Variants in NELFCD observed in about 807,000 individuals in gnomAD.
NELFCD encodes negative elongation factor C/D.
Under a neutral mutation model 72.9 loss-of-function variants are expected in NELFCD, and 48 were observed. The observed-to-expected ratio is 0.66, with a 90% CI of 0.52 to 0.84. NELFCD has a LOEUF of 0.84. Ranked by LOEUF, NELFCD falls within the 40% of genes least tolerant of loss-of-function variation. The pLI is 0.00. For missense variants in NELFCD, 538 were observed against 723.8 expected (o/e 0.74, Z 2.94); for synonymous variants, 297 against 280.6 (o/e 1.06, Z -0.59).
chr20:58,993,560 G>T lies in NELFCD; in HGVS notation c.1440+16G>T. 1.2e-6 allele frequency: 2 copies of T among 1,614,224 alleles called. No individual in the cohort carries two copies. Among genetic ancestry groups the T allele is most frequent in the Non-Finnish European group, 1.7e-6 (2 of 1,180,030 alleles). ...GATGGAGCAGGTGAGCAGTGCCCGT[G>T]GGGCTTGCCAGAGGGCTGAGGAGGA... On this transcript the variant is annotated intron_variant, in intron 12 of 14. Transcript: ENST00000652272. This position sits in a 1 kb window ranked among gnomAD's most constrained non-coding sequence, Gnocchi z 5.0.
In NELFCD at chr20:58,993,521, T is replaced by C; in HGVS notation, c.1417T>C (p.Ser473Pro). 1 of 1,614,198 alleles carries C rather than the reference T, an allele frequency of 6.2e-7. No homozygotes were observed. The highest frequency in any genetic ancestry group is 8.5e-7 in the Non-Finnish European group (1 of 1,180,030). The change falls in exon 12 of 15, where the codon TCC becomes CCC. Residue 473 changes from serine to proline, a missense_variant. Physicochemically the swap from Ser to Pro is moderately conservative, Grantham distance 74 (BLOSUM62 -1). This residue lies in a region of NELFCD where 136 missense variants were observed against 154.0 expected (regional missense o/e 0.88). Transcript: ENST00000652272. The surrounding 1 kb of genome is among the most constrained non-coding windows in gnomAD (Gnocchi z 5.0). ...LLVKLFETEH[S>P]QLDVMEQLEL... ...TGTTAAGCTTTTTGAGACTGAGCAC[T>C]CCCAGCTGGACGTGATGGAGCAGGT...
At chr20:58,987,184 C>T (rs1222837747) in intron 3 of NELFCD, 1 of 301,300 alleles carries the variant, frequency 3.3e-6, no homozygotes, top group African/African-American at 2.2e-5. Context: ...ACGTCTATTA[C>T]AGCAAGCAGT....
rs774260821 is a variant in NELFCD, at chr20:58,981,285, G to A, written c.-25G>A. On this transcript the variant is annotated 5_prime_UTR_variant, in exon 1 of 15. An upstream start codon of the reference 5' UTR is lost. Transcript: ENST00000652272. ...GCCGCGCTCGCTCGCGGGAGGGCATGGCGGGGGCCGTGCCGGGCGCCATCA... is the reference window on the plus strand; with the variant it reads ...GCCGCGCTCGCTCGCGGGAGGGCATAGCGGGGGCCGTGCCGGGCGCCATCA... The A allele has an allele frequency of 2.8e-6, 3 of 1,065,540 alleles. No individual in the cohort carries two copies. The highest frequency in any genetic ancestry group is 6.7e-5 in the East Asian group (1 of 15,010). The allele number at this position is 1,065,540 out of a possible 1,614,324, so 66.0% of individuals were successfully genotyped here. A position where few individuals can be genotyped will look rare whatever the true frequency, so the allele number is the denominator to read the frequency against.
At position 58,986,197 on chromosome 20, in the gene NELFCD, C is replaced by T. The variant is rs887656731; in HGVS notation, c.165C>T (p.Asn55=). ...ATATCATGGAACCCTCCATCTTCAA[C>T]ACTCTGAAGAGGTATGTGAGAAAGG... ...RDYIMEPSIF[N]TLKRYFQAGG... The change falls in exon 2 of 15, where the codon AAC becomes AAT. Residue 55 remains asparagine, a synonymous_variant. Coordinates refer to ENST00000652272, the MANE Select transcript of NELFCD (RefSeq NM_198976.4). This position sits in a 1 kb window ranked among gnomAD's most constrained non-coding sequence, Gnocchi z 4.4. The T allele has an allele frequency of 1.1e-5, 17 of 1,601,796 alleles. No individual in the cohort carries two copies. The highest frequency in any genetic ancestry group is 1.5e-5 in the Non-Finnish European group (17 of 1,168,882).
intron 1 of NELFCD, among the ~76,000 whole-genome samples, chr20:58,982,140 ATTTTTTTTTTTT>A (rs751696443): frequency 2.5e-4 from 17 of 68,360 alleles, no homozygotes; most frequent in Non-Finnish European, 3.6e-4. Flanking sequence ...GGGAACTTGC[ATTTTTTTTTTTT>A]TTTTTTTTTT....
chr20:58,981,841 C>T (rs889548068), intron 1 of NELFCD, among the ~76,000 whole-genome samples: 2 of 152,234 alleles, frequency 1.3e-5, no homozygotes, highest in African/African-American at 4.8e-5. Context: ...ATGTGCTTTA[C>T]TGTTTTATAA....
In NELFCD at chr20:58,994,175, G is replaced by A; in HGVS notation, c.1647G>A (p.Glu549=). ...DFVQLFLPIL[E]NDSIAGTIKT... is the part of the protein sequence containing the mutation. ...TGCAACTTTTCCTCCCCATCCTGGA[G>A]AATGACAGCATCGCAGGTACCATCA... The change falls in exon 14 of 15, where the codon GAG becomes GAA. Residue 549 remains glutamate, a synonymous_variant. Transcript: ENST00000652272. 6.2e-7 allele frequency: 1 copy of A among 1,614,202 alleles called. No homozygotes were observed. The highest frequency in any genetic ancestry group is 8.5e-7 in the Non-Finnish European group (1 of 1,180,018).
chr20:58,991,559 G>A, intron 9 of NELFCD, 113 bp downstream of exon 9: 1 of 1,248,288 alleles, frequency 8.0e-7, no homozygotes, highest in Non-Finnish European at 1.1e-6. Flanking sequence ...CTAGTATCAG[G>A]CATGTGTTTT....
chr20:58,990,884 C>T (rs751375722), intron 7 of NELFCD, 26 bp from the exon 8 acceptor site: 30 of 1,588,446 alleles, frequency 1.9e-5, no homozygotes, highest in Middle Eastern at 3.4e-4. Context: ...TTGTTAGTAA[C>T]GGGGTCTATG....
Position 58,993,556 on chromosome 20 carries a change from C to G in NELFCD, c.1440+12C>G. 1 of 1,614,178 alleles carries G rather than the reference C, an allele frequency of 6.2e-7. No individual in the cohort carries two copies. Among genetic ancestry groups the G allele is most frequent in the Non-Finnish European group, 8.5e-7 (1 of 1,180,024 alleles). On this transcript the variant is annotated intron_variant, in intron 12 of 14. Transcript: ENST00000652272. This position sits in a 1 kb window ranked among gnomAD's most constrained non-coding sequence, Gnocchi z 5.0. The stretch of plus-strand genomic sequence containing the variant: ...ACGTGATGGAGCAGGTGAGCAGTGC[C>G]CGTGGGGCTTGCCAGAGGGCTGAGG...
chr20:58,989,480 T>G lies in NELFCD; in HGVS notation c.505-8T>G, dbSNP rs781562041. On this transcript the variant is annotated splice_polypyrimidine_tract_variant and splice_region_variant and intron_variant, in intron 5 of 14. Transcript: ENST00000652272. ...GCCTCCCCTCTGACTTCTTGTTTTG[T>G]GTCCTAGCTTATTTCTGACGCAGGG... The G allele has an allele frequency of 1.2e-5, 20 of 1,612,338 alleles. No homozygotes were observed. In the Admixed American group the frequency reaches 3.2e-4, roughly 26 times the overall value.
At chr20:58,988,094 C>A in intron 4 of NELFCD, 1 of 405,804 alleles carries the variant, frequency 2.5e-6, no homozygotes, top group Non-Finnish European at 4.5e-6. Flanking sequence ...AGGGCACAGC[C>A]CTTGGAGTGT....
In NELFCD at chr20:58,993,847, CCTAA is replaced by C. The variant is rs143234085; in HGVS notation, c.1581+86_1581+89del. ...TTGGCTTAATTTAGTTCATTTTGTA[CCTAA>C]CTGAGAACTGTGCTTTCTGATGTAG... On this transcript the variant is annotated intron_variant, in intron 13 of 14. Transcript: ENST00000652272. The surrounding 1 kb of genome is among the most constrained non-coding windows in gnomAD (Gnocchi z 5.0). 0.01 allele frequency: 15,048 copies of C among 1,458,794 alleles called. 118 individuals are homozygous for C. The highest frequency in any genetic ancestry group is 0.012 in the South Asian group (968 of 81,382). The allele number at this position is 1,458,794 out of a possible 1,614,324, so 90.4% of individuals were successfully genotyped here.
At chr20:58,988,708 C>G (rs1179885568) in intron 4 of NELFCD, among the ~76,000 whole-genome samples, 1 of 152,182 alleles carries the variant, frequency 6.6e-6, no homozygotes, top group Non-Finnish European at 1.5e-5. Flanking sequence ...GTCCGATTTT[C>G]TAAAAGCTGA....
chr20:58,986,813 C>T lies in NELFCD; in HGVS notation c.236C>T (p.Thr79Ile). The T allele has an allele frequency of 6.2e-7, 1 of 1,614,154 alleles. No homozygotes were observed. Among genetic ancestry groups the T allele is most frequent in the Non-Finnish European group, 8.5e-7 (1 of 1,179,994 alleles). Residue 79 changes from threonine (T) to isoleucine (I), a missense_variant, in exon 3 of 15, where the codon ACC becomes ATC. Around this residue, in one of 3 missense-constraint regions of NELFCD, gnomAD observed 355 missense variants for 534.5 expected, o/e 0.66. Transcript: ENST00000652272. This position sits in a 1 kb window ranked among gnomAD's most constrained non-coding sequence, Gnocchi z 4.4. ...ATCCAGCTCTTATCTGAAAACTACA[C>T]CGCTGTGGCCCAGACTGTGAACCTG... ...NVIQLLSENY[T>I]AVAQTVNLLA...
chr20:58,991,497 C>T (rs2091817105), intron 9 of NELFCD, 51 bp downstream of exon 9: 7 of 1,603,956 alleles, frequency 4.4e-6, no homozygotes, highest in African/African-American at 1.3e-5. Context: ...AAATATCCTC[C>T]TCTGCTTTGA....
At chr20:58,981,432 C>A (rs1170108074) in intron 1 of NELFCD, 63 bp downstream of exon 1, 1 of 811,032 alleles carries the variant, frequency 1.2e-6, no homozygotes, top group Non-Finnish European at 1.5e-6. Flanking sequence ...GGCGGGCCGG[C>A]CCCACTCCCG....
chr20:58,989,397 C>A (rs916784355), intron 5 of NELFCD, 91 bp from the exon 6 acceptor site: 3 of 1,478,684 alleles, frequency 2.0e-6, no homozygotes, highest in African/African-American at 2.8e-5. Context: ...CGCACACTTA[C>A]TCCACCTCAC....
chr20:58,990,994 G>C lies in NELFCD; in HGVS notation c.873G>C (p.Leu291=). The change falls in exon 8 of 15, where the codon CTG becomes CTC. Residue 291 remains leucine, a synonymous_variant. Transcript: ENST00000652272. ...PRACQALGAM[L]SKGALNPADI... Reference sequence around the variant, plus strand: ...CCTGCCAGGCTCTCGGGGCCATGCTGTCCAAAGGAGCCCTGAACCCTGCTG... The same window carrying C: ...CCTGCCAGGCTCTCGGGGCCATGCTCTCCAAAGGAGCCCTGAACCCTGCTG... The C allele has an allele frequency of 1.2e-6, 2 of 1,614,202 alleles. No homozygotes were observed. Among genetic ancestry groups the C allele is most frequent in the South Asian group, 1.1e-5 (1 of 91,084 alleles).
Sources: gnomAD v4.1 joint callset for allele counts (sites outside exome capture counted in the v4.1 genomes callset) on GRCh38, gnomAD v4.1.1 for gene constraint, gnomAD v4.1.1 regional missense constraint, Gnocchi (gnomAD v3.1) non-coding constraint, MANE v1.5 for transcripts, NCBI Gene and HGNC (gene_info 2026-07-23, HGNC 2026-07-21) for gene names.